The following PARVB variants were observed in gnomAD, a reference collection of about 807,000 sequenced individuals.
The protein encoded by PARVB is beta-parvin.
In PARVB, 46 loss-of-function variants were observed where a neutral mutation model predicts 47.0. The ratio of observed to expected loss-of-function variants is 0.98; its 90% CI spans 0.77 to 1.25. The LOEUF (loss-of-function observed/expected upper bound fraction) is 1.25. PARVB is among the 50% of genes most tolerant of loss of function. PARVB has a pLI of 0.00. For synonymous variants in PARVB, 196 were observed against 196.3 expected (o/e 1.00, Z 0.01); for missense variants, 473 against 471.6 (o/e 1.00, Z -0.03).
intron 1 of PARVB, among the ~76,000 whole-genome samples, chr22:44,050,790 C>T (rs537322587): frequency 6.6e-6 from 1 of 152,312 alleles, no homozygotes; most frequent in South Asian, 2.1e-4. Flanking sequence ...CTGATGGCAA[C>T]ACCTCTCTCA....
At chr22:44,006,504 A>G (rs1203680829) in intron 2 of PARVB, among the ~76,000 whole-genome samples, 1 of 152,182 alleles carries the variant, frequency 6.6e-6, no homozygotes, top group African/African-American at 2.4e-5. Flanking sequence ...ATGCGCCTGT[A>G]GTCCCAGCTA....
chr22:44,116,631 G>C (rs1319242953), intron 3 of PARVB, among the ~76,000 whole-genome samples: 2 of 152,226 alleles, frequency 1.3e-5, no homozygotes, highest in African/African-American at 4.8e-5. Flanking sequence ...GCCGGTCATA[G>C]CTTCTGGCCT....
chr22:44,164,034 G>A, intron 12 of PARVB, 104 bp downstream of exon 12: 2 of 779,786 alleles, frequency 2.6e-6, no homozygotes, highest in Non-Finnish European at 4.1e-6. Flanking sequence ...CCCCAGATGG[G>A]CCCCACGTCT....
rs770044153 is a variant in PARVB at position 44,131,445 on chromosome 22, C to T, written c.377-42C>T. The T allele has an allele frequency of 4.4e-6, 7 of 1,604,880 alleles. No homozygotes were observed. In the African/African-American group the frequency reaches 5.4e-5, roughly 12 times the overall value. On this transcript the variant is annotated intron_variant, in intron 4 of 12. Transcript: ENST00000338758. ...GCATGAGCCACTGCGCCTGGCCCTT[C>T]CAGCTTTTTCTGACCCTCTTCTCTT...
intron 1 of PARVB, among the ~76,000 whole-genome samples, chr22:44,036,304 T>G: frequency 6.6e-6 from 1 of 152,142 alleles, no homozygotes; most frequent in East Asian, 1.9e-4. Flanking sequence ...AAGTACTGCA[T>G]CTTTACATTT....
intron 1 of PARVB, chr22:44,081,473 A>AT (rs1446732458): frequency 1.7e-5 from 5 of 302,758 alleles, no homozygotes; most frequent in Non-Finnish European, 2.4e-5. Context: ...TAATCTTCTT[A>AT]TTTTCTCAGC....
chr22:44,000,499 G>A (rs527326873), intron 2 of PARVB, among the ~76,000 whole-genome samples: 8 of 152,208 alleles, frequency 5.3e-5, no homozygotes, highest in African/African-American at 7.2e-5. Context: ...GAAATAGGCC[G>A]GGCGTGGTGG....
chr22:44,030,617 G>A (rs577919899), intron 1 of PARVB, among the ~76,000 whole-genome samples: 7 of 152,088 alleles, frequency 4.6e-5, no homozygotes, highest in Admixed American at 4.6e-4. Context: ...CAGGAATGTG[G>A]CACGGGGCAC....
chr22:44,080,974 G>T (rs1271089663), intron 1 of PARVB, among the ~76,000 whole-genome samples: 3 of 152,170 alleles, frequency 2.0e-5, no homozygotes, highest in Non-Finnish European at 4.4e-5. Flanking sequence ...GGGGAGTGGG[G>T]AACCTGACCT....
chr22:44,073,520 C>A (rs1020834121), intron 1 of PARVB, among the ~76,000 whole-genome samples: 6 of 152,154 alleles, frequency 3.9e-5, no homozygotes, highest in African/African-American at 1.2e-4. Flanking sequence ...TGAATACGAC[C>A]ATACCTGCTT....
At chr22:44,091,134 C>G (rs2267606) in intron 1 of PARVB, among the ~76,000 whole-genome samples, 31,090 of 151,910 alleles carry the variant, frequency 0.2, 4,784 homozygotes, top group East Asian at 0.43. Context: ...GCTGGTGTAG[C>G]GTTATGCTAA....
At chr22:44,077,156 C>T (rs909367051) in intron 1 of PARVB, among the ~76,000 whole-genome samples, 4 of 152,160 alleles carry the variant, frequency 2.6e-5, no homozygotes, top group East Asian at 1.9e-4. Flanking sequence ...TAGTCTGTCA[C>T]AGTTTTGGAG....
intron 2 of PARVB, among the ~76,000 whole-genome samples, chr22:44,017,837 G>A (rs1476318484): frequency 1.3e-5 from 2 of 152,052 alleles, no homozygotes; most frequent in Non-Finnish European, 2.9e-5. Context: ...CTGGTTAGAG[G>A]CTCTTCACTG....
chr22:44,115,800 C>T (rs1300411412), intron 3 of PARVB: 3 of 140,668 alleles, frequency 2.1e-5, no homozygotes, highest in Non-Finnish European at 4.6e-5. Flanking sequence ...AGGCCCTGCA[C>T]CAACACAGAT....
chr22:44,148,284 C>T (rs1262436515), intron 9 of PARVB: 4 of 350,242 alleles, frequency 1.1e-5, no homozygotes, highest in East Asian at 7.1e-5. Context: ...CCAGTAAACA[C>T]GCAGGCCTGT....
intron 2 of PARVB, among the ~76,000 whole-genome samples, chr22:44,014,112 T>C (rs1472436263): frequency 6.6e-6 from 1 of 152,210 alleles, no homozygotes; most frequent in Non-Finnish European, 1.5e-5. Context: ...AGTTCCAGCA[T>C]GTATTGTTCA....
intron 3 of PARVB, among the ~76,000 whole-genome samples, chr22:44,116,656 T>C (rs943414255): frequency 1.3e-5 from 2 of 151,870 alleles, no homozygotes; most frequent in Non-Finnish European, 2.9e-5. Context: ...GACCTTGGAG[T>C]CTAACAGGGG....
In PARVB at chr22:44,068,875, T is replaced by C. The variant is rs1282325364; in HGVS notation, c.113-25053T>C. The stretch of plus-strand genomic sequence containing the variant: ...TTCCTTCCTTCTTTGTGCATGGGGG[T>C]TTTCCTGGGGAGCAGTTGCCCTGGC... On this transcript the variant is annotated intron_variant, in intron 1 of 12. Coordinates refer to ENST00000338758, the MANE Select transcript of PARVB (RefSeq NM_013327.5). The surrounding 1 kb of genome is among the most constrained non-coding windows in gnomAD (Gnocchi z 4.1). Among the ~76,000 whole-genome samples, 1 of 151,958 alleles carries C rather than the reference T, an allele frequency of 6.6e-6. No individual in the cohort carries two copies. Among genetic ancestry groups the C allele is most frequent in the Non-Finnish European group, 1.5e-5 (1 of 67,982 alleles).
In PARVB at chr22:44,155,034, T is replaced by G. The variant is rs2401647; in HGVS notation, c.844-2948T>G. On this transcript the variant is annotated intron_variant, in intron 10 of 12. Transcript: ENST00000338758. This position sits in a 1 kb window ranked among gnomAD's most constrained non-coding sequence, Gnocchi z 4.8. ...GTGTGTGTGGTTTTTGTAGTCTGTG[T>G]GGTGTGTGTGTGTGTGTGTGTGTGG... 1.0e-5 allele frequency among the ~76,000 whole-genome samples: 1 copy of G among 95,318 alleles called. No homozygotes were observed. Among genetic ancestry groups the G allele is most frequent in the Non-Finnish European group, 2.0e-5 (1 of 49,332 alleles). 62.5% of individuals were successfully genotyped at this position (95,318 alleles called of 152,430 possible). A position where few individuals can be genotyped will look rare whatever the true frequency, so the allele number is the denominator to read the frequency against.
Sources: allele counts gnomAD v4.1 joint callset (sites outside exome capture counted in the v4.1 genomes callset), GRCh38; gene constraint gnomAD v4.1.1; non-coding constraint Gnocchi (gnomAD v3.1); transcripts MANE v1.5; gene names NCBI Gene and HGNC (gene_info 2026-07-23, HGNC 2026-07-21).